GFPT2: variants seen among roughly 807,000 people sequenced by gnomAD.
GFPT2 encodes glutamine--fructose-6-phosphate transaminase 2.
GFPT2 carries 62 observed loss-of-function variants against 85.6 expected under a neutral mutation model. The ratio of observed to expected loss-of-function variants is 0.72; its 90% CI spans 0.59 to 0.90. GFPT2 has a LOEUF of 0.90. GFPT2 is among the 40% of genes least tolerant of loss of function. The pLI is 0.00. For missense variants in GFPT2, 788 were observed against 893.4 expected, an observed-to-expected ratio of 0.88 and a Z score of 1.50; for synonymous variants, 368 against 344.5, an observed-to-expected ratio of 1.07 and a Z score of -0.75.
At chr5:180,314,065 C>CAG in intron 13 of GFPT2, 101 bp from the exon 14 acceptor site, 14 of 1,191,006 alleles carry the variant, frequency 1.2e-5, no homozygotes, top group Non-Finnish European at 1.6e-5. Context: ...AAATCGGCGC[C>CAG]CGAGACACAG....
intron 1 of GFPT2, among the ~76,000 whole-genome samples, chr5:180,348,727 CTTTTCTTTTTTTTTTTTTTTG>C (rs998481816): frequency 6.9e-6 from 1 of 144,204 alleles, no homozygotes; most frequent in Admixed American, 6.9e-5. Context: ...CAGGACATTT[CTTTTCTTTTTTTTTTTTTTTG>C]TTTTCTTTTT....
intron 15 of GFPT2, among the ~76,000 whole-genome samples, chr5:180,308,119 G>A (rs1281173173): frequency 6.6e-6 from 1 of 152,144 alleles, no homozygotes; most frequent in Admixed American, 6.5e-5. Flanking sequence ...AGCCGGGCAT[G>A]GTGGCGGGCG....
rs1262384775 is a variant in GFPT2, at chr5:180,303,234, A to C, written c.1843-650T>G. Among the ~76,000 whole-genome samples, 259 of 152,170 alleles carry C rather than the reference A, an allele frequency of 1.7e-3. 1 individual carries two copies. Among genetic ancestry groups the C allele is most frequent in the African/African-American group, 6.1e-3 (252 of 41,534 alleles). ...GACAGAGCCAGACTCCGTCACAAAA[A>C]AAAAAAAAAAATGAATTCCAAAGAA... On this transcript the variant is annotated intron_variant, in intron 17 of 18. Coordinates refer to ENST00000253778, the MANE Select transcript of GFPT2 (RefSeq NM_005110.4).
chr5:180,337,832 G>T (rs1193198992), intron 2 of GFPT2, among the ~76,000 whole-genome samples: 4 of 152,252 alleles, frequency 2.6e-5, no homozygotes, highest in Non-Finnish European at 5.9e-5. Context: ...TTCTGTGTGT[G>T]ATAAGAGGAC....
rs1226665300 is a variant in GFPT2 at position 180,331,483 on chromosome 5, G to A, written c.399+12C>T. ...CACCGGACTGAGACATCACCTAGGG[G>A]AAGCATCTTACCAGAAATTTCCTCA... On this transcript the variant is annotated intron_variant, in intron 5 of 18. Transcript: ENST00000253778. The A allele has an allele frequency of 6.0e-6, 9 of 1,505,684 alleles. No homozygotes were observed. Among genetic ancestry groups the A allele is most frequent in the Non-Finnish European group, 7.4e-6 (8 of 1,081,086 alleles). 93.3% of individuals were successfully genotyped at this position (1,505,684 alleles called of 1,614,324 possible).
intron 13 of GFPT2, among the ~76,000 whole-genome samples, chr5:180,315,574 A>C (rs1014478312): frequency 6.6e-6 from 1 of 152,218 alleles, no homozygotes; most frequent in Non-Finnish European, 1.5e-5. Flanking sequence ...AAGTAACCCC[A>C]TGGAGACGAG....
intron 15 of GFPT2, among the ~76,000 whole-genome samples, chr5:180,310,032 G>A (rs566268195): frequency 2.6e-5 from 4 of 151,352 alleles, no homozygotes; most frequent in South Asian, 2.1e-4. Flanking sequence ...GGATGGTCTC[G>A]ATCTCCTGAC....
chr5:180,331,947 TTTAG>T (rs1314086829), intron 4 of GFPT2, among the ~76,000 whole-genome samples: 2 of 152,226 alleles, frequency 1.3e-5, no homozygotes, highest in Non-Finnish European at 2.9e-5. Context: ...CTCAACTGGC[TTTAG>T]GCACAAAGAG....
At chr5:180,316,675 T>C in intron 12 of GFPT2, 89 bp downstream of exon 12, 1 of 1,019,620 alleles carries the variant, frequency 9.8e-7, no homozygotes, top group South Asian at 1.5e-5. Flanking sequence ...CTTAGCCAAA[T>C]TCAGAAGGCC....
intron 7 of GFPT2, among the ~76,000 whole-genome samples, chr5:180,326,931 G>C (rs1764219847): frequency 1.3e-5 from 2 of 152,100 alleles, no homozygotes; most frequent in African/African-American, 4.8e-5. Flanking sequence ...AGTAAATCAT[G>C]ATAAAATTGG....
intron 4 of GFPT2, among the ~76,000 whole-genome samples, chr5:180,334,193 G>A (rs868687442): frequency 3.2e-4 from 49 of 152,334 alleles, no homozygotes; most frequent in Middle Eastern, 3.4e-3. Context: ...ACTCCCTCAA[G>A]ACCCTGATCA....
intron 1 of GFPT2, among the ~76,000 whole-genome samples, chr5:180,349,482 T>C (rs1374936344): frequency 6.6e-6 from 1 of 152,122 alleles, no homozygotes; most frequent in Non-Finnish European, 1.5e-5. Context: ...TACCATAAAG[T>C]TATAAAAAGA....
At chr5:180,343,529 C>T (rs1157068883) in intron 1 of GFPT2, among the ~76,000 whole-genome samples, 2 of 152,240 alleles carry the variant, frequency 1.3e-5, no homozygotes, top group Non-Finnish European at 2.9e-5. Context: ...CACCACGAGC[C>T]CTCTTGCGTA....
At chr5:180,339,441 C>G (rs996504621) in intron 1 of GFPT2, among the ~76,000 whole-genome samples, 10 of 151,874 alleles carry the variant, frequency 6.6e-5, no homozygotes, top group Admixed American at 2.0e-4. Context: ...CATCTCATGC[C>G]CCTTGGCCCC....
At chr5:180,336,268 C>A in intron 3 of GFPT2, 1 of 605,710 alleles carries the variant, frequency 1.7e-6, no homozygotes. Flanking sequence ...TAACCCTTCA[C>A]ACTTAAAAAA....
rs960141415 is a variant in GFPT2 at position 180,320,056 on chromosome 5, G to A, written c.795-1100C>T. 5.9e-5 allele frequency among the ~76,000 whole-genome samples: 9 copies of A among 152,020 alleles called. 1 individual carries two copies. The highest frequency in any genetic ancestry group is 1.2e-4 in the Non-Finnish European group (8 of 67,990). ...CGCCCAGGCTGGAGTGCAGTGGCGC[G>A]ATCTCCACTCACTGCAAGCTCTGCC... On this transcript the variant is annotated intron_variant, in intron 9 of 18. Transcript: ENST00000253778.
At chr5:180,339,442 C>T (rs1424734960) in intron 1 of GFPT2, among the ~76,000 whole-genome samples, 1 of 151,988 alleles carries the variant, frequency 6.6e-6, no homozygotes, top group African/African-American at 2.4e-5. Flanking sequence ...ATCTCATGCC[C>T]CTTGGCCCCT....
At position 180,315,474 on chromosome 5, in the gene GFPT2, G is replaced by A. The variant is rs138942842; in HGVS notation, c.1273+867C>T. Among the ~76,000 whole-genome samples the A allele has an allele frequency of 4.5e-3, 678 of 151,882 alleles. 11 individuals are homozygous for A. Among genetic ancestry groups the A allele is most frequent in the East Asian group, 0.042 (215 of 5,178 alleles). On this transcript the variant is annotated intron_variant, in intron 13 of 18. Coordinates refer to ENST00000253778, the MANE Select transcript of GFPT2 (RefSeq NM_005110.4). ...ATTACAGGCGTGAGCCACCGCGCCCGGCCGGTTATATGTTTTTCTTTTGTC... is the reference window on the plus strand; with the variant it reads ...ATTACAGGCGTGAGCCACCGCGCCCAGCCGGTTATATGTTTTTCTTTTGTC...
intron 17 of GFPT2, among the ~76,000 whole-genome samples, chr5:180,303,941 G>C (rs144524353): frequency 6.6e-6 from 1 of 152,168 alleles, no homozygotes; most frequent in African/African-American, 2.4e-5. Context: ...TAGAAGGTTG[G>C]GGCTTTGAGA....
Sources: gnomAD v4.1 joint callset for allele counts (sites outside exome capture counted in the v4.1 genomes callset) on GRCh38, gnomAD v4.1.1 for gene constraint, MANE v1.5 for transcripts, NCBI Gene and HGNC (gene_info 2026-07-23, HGNC 2026-07-21) for gene names.